ARHGAP21: variants seen among roughly 807,000 people sequenced by gnomAD.
ARHGAP21 encodes the protein Rho GTPase activating protein 21.
Under a neutral mutation model 164.6 loss-of-function variants are expected in ARHGAP21, and 38 were observed. That is an observed-to-expected ratio of 0.23 (90% CI 0.18 to 0.30). The LOEUF (loss-of-function observed/expected upper bound fraction) is 0.30. ARHGAP21 is among the 10% of genes least tolerant of loss of function. The pLI, the probability that ARHGAP21 is intolerant of heterozygous loss-of-function variation, is 1.00. For missense variants in ARHGAP21, 1,822 were observed against 2,370.7 expected (o/e 0.77, Z 4.81); for synonymous variants, 766 against 857.9 (o/e 0.89, Z 1.87).
chr10:24,602,180 G>A, intron 12 of ARHGAP21, 77 bp from the exon 13 acceptor site: 1 of 1,485,546 alleles, frequency 6.7e-7, no homozygotes, highest in Non-Finnish European at 9.0e-7. Flanking sequence ...ACTGCTTTGT[G>A]GAAAACTTTA....
chr10:24,600,570 TATC>T, intron 14 of ARHGAP21, 73 bp downstream of exon 14: 1 of 1,469,976 alleles, frequency 6.8e-7, no homozygotes, highest in Non-Finnish European at 9.1e-7. Flanking sequence ...AAAAATGATA[TATC>T]ATATTCCTTA....
intron 9 of ARHGAP21, among the ~76,000 whole-genome samples, chr10:24,613,529 AT>A (rs1257331075): frequency 1.4e-4 from 22 of 152,172 alleles, no homozygotes; most frequent in African/African-American, 4.8e-4. Flanking sequence ...TCATCTGGAG[AT>A]TTGGTTATCT....
chr10:24,713,630 CT>C (rs1169224197), intron 2 of ARHGAP21, among the ~76,000 whole-genome samples: 1 of 148,826 alleles, frequency 6.7e-6, no homozygotes, highest in Non-Finnish European at 1.5e-5. Context: ...CATCAAGTTT[CT>C]TTTTTTCTTT....
chr10:24,717,669 CG>C (rs1314199306), intron 2 of ARHGAP21, among the ~76,000 whole-genome samples: 2 of 152,082 alleles, frequency 1.3e-5, no homozygotes, highest in African/African-American at 4.8e-5. Flanking sequence ...GACAGAAGCG[CG>C]GACCAAATTA....
intron 2 of ARHGAP21, among the ~76,000 whole-genome samples, chr10:24,681,640 C>CT (rs11439346): frequency 0.012 from 1,708 of 146,410 alleles, 23 homozygotes; most frequent in East Asian, 0.04. Context: ...AGCATTTTGT[C>CT]TTTTTTTTTT....
chr10:24,704,289 CTTTTTTTTTTT>C (rs201080039), intron 2 of ARHGAP21, among the ~76,000 whole-genome samples: 2 of 125,978 alleles, frequency 1.6e-5, no homozygotes, highest in East Asian at 2.2e-4. Flanking sequence ...TTTTTCTTTT[CTTTTTTTTTTT>C]TTTTTTTTGA....
intron 4 of ARHGAP21, among the ~76,000 whole-genome samples, chr10:24,643,267 C>T (rs1837258517): frequency 6.6e-6 from 1 of 152,200 alleles, no homozygotes; most frequent in Non-Finnish European, 1.5e-5. Flanking sequence ...TAGCATTGTA[C>T]ATTTCACATG....
At chr10:24,605,400 G>A (rs2076981549) in intron 11 of ARHGAP21, among the ~76,000 whole-genome samples, 3 of 152,196 alleles carry the variant, frequency 2.0e-5, no homozygotes, top group South Asian at 2.1e-4. Context: ...ACAGTGTGTA[G>A]TTGGTGTAGG....
chr10:24,701,120 A>T (rs1423287097), intron 2 of ARHGAP21, among the ~76,000 whole-genome samples: 1 of 152,152 alleles, frequency 6.6e-6, no homozygotes, highest in Non-Finnish European at 1.5e-5. Flanking sequence ...CAATTTAACA[A>T]AACAGGAGGA....
chr10:24,648,971 C>A, intron 4 of ARHGAP21: 1 of 543,668 alleles, frequency 1.8e-6, no homozygotes, highest in Non-Finnish European at 2.3e-6. Flanking sequence ...TTGAAATTAA[C>A]TTGTTACTAG....
intron 9 of ARHGAP21, among the ~76,000 whole-genome samples, chr10:24,610,439 A>ACTT (rs2077209620): frequency 2.0e-5 from 3 of 152,200 alleles, no homozygotes; most frequent in South Asian, 4.2e-4. Context: ...TTATAATAAA[A>ACTT]AGAACGGTGA....
At chr10:24,722,863 C>T (rs1846067462) in intron 1 of ARHGAP21, 1 of 151,822 alleles carries the variant, frequency 6.6e-6, no homozygotes, top group Admixed American at 6.6e-5. Context: ...CGTGCGCGGC[C>T]GCGGGTGGGA....
intron 2 of ARHGAP21, among the ~76,000 whole-genome samples, chr10:24,693,168 C>T (rs921459561): frequency 3.9e-5 from 6 of 152,096 alleles, no homozygotes; most frequent in East Asian, 1.9e-4. Flanking sequence ...ACGACACAGG[C>T]GTGTTCACTT....
At position 24,648,268 on chromosome 10, in the gene ARHGAP21, C is replaced by A. The variant is rs540561087; in HGVS notation, c.269-13165G>T. 5.9e-5 allele frequency among the ~76,000 whole-genome samples: 9 copies of A among 152,336 alleles called. No homozygotes were observed. In the South Asian group the frequency reaches 1.9e-3, roughly 32 times the overall value. ...AATTCCCTACTTGTTTACCACATAG[C>A]ATGAACAATCACTCAGATTGTCTCC... On this transcript the variant is annotated intron_variant, in intron 4 of 25. Coordinates refer to ENST00000396432, the MANE Select transcript of ARHGAP21 (RefSeq NM_020824.4).
chr10:24,590,381 G>A, intron 24 of ARHGAP21: 5 of 1,535,364 alleles, frequency 3.3e-6, no homozygotes, highest in Non-Finnish European at 3.5e-6. Context: ...CTACAGTGTG[G>A]ACAACAGTCC....
chr10:24,584,825 G>A lies in ARHGAP21; in HGVS notation c.5464C>T (p.His1822Tyr). 6.2e-7 allele frequency: 1 copy of A among 1,613,942 alleles called. No individual in the cohort carries two copies. ...GATTCTCTCTCCCCGCTCTGCTCAT[G>A]CACTTTCCAAAAATTCAAAACGCTG... ...EISVLNFWKVHEQSGERESEL... is the reference protein window; with the variant it reads ...EISVLNFWKVYEQSGERESEL... Residue 1822 changes from histidine to tyrosine, a missense_variant, in exon 26 of 26, where the codon CAT becomes TAT. His to Tyr is a moderately conservative substitution (Grantham distance 83). This residue lies in a region of ARHGAP21 where 165 missense variants were observed against 176.6 expected (regional missense o/e 0.93). Coordinates refer to ENST00000396432, the MANE Select transcript of ARHGAP21 (RefSeq NM_020824.4).
At chr10:24,643,844 T>A (rs983837154) in intron 4 of ARHGAP21, among the ~76,000 whole-genome samples, 2 of 152,192 alleles carry the variant, frequency 1.3e-5, no homozygotes, top group Non-Finnish European at 2.9e-5. Context: ...TCCTGTCCCC[T>A]CAAGGTTGCT....
In ARHGAP21 at chr10:24,620,802, C is replaced by T; in HGVS notation, c.1093G>A (p.Ala365Thr). ...SDGISSSRSQ[A>T]VEAPSVSVNH... The stretch of plus-strand genomic sequence containing the variant: ...ACAGATACAGAGGGAGCCTCCACAG[C>T]TTGAGATCTGCTGCTTGAGATTCCA... The change falls in exon 9 of 26, where the codon GCT becomes ACT. Residue 365 changes from alanine to threonine, a missense_variant. By Grantham distance (58) the Ala-to-Thr change is moderately conservative. This residue lies in a region of ARHGAP21 where 1,090 missense variants were observed against 1,378.9 expected (regional missense o/e 0.79). Transcript: ENST00000396432. 6.2e-7 allele frequency: 1 copy of T among 1,614,158 alleles called. No homozygotes were observed. Among genetic ancestry groups the T allele is most frequent in the Non-Finnish European group, 8.5e-7 (1 of 1,180,014 alleles).
chr10:24,625,299 G>GCAAAAAAAAAAAAAAAAAAAAAAAAAAC (rs768183583), intron 7 of ARHGAP21, among the ~76,000 whole-genome samples: 1 of 53,798 alleles, frequency 1.9e-5, no homozygotes, highest in Non-Finnish European at 3.4e-5. Context: ...ATGAAACAGA[G>GCAAAAAAAAAAAAAAAAAAAAAAAAAAC]AAAAAAAAAA....
Sources: gnomAD v4.1 joint callset for allele counts (sites outside exome capture counted in the v4.1 genomes callset) on GRCh38, gnomAD v4.1.1 for gene constraint, gnomAD v4.1.1 regional missense constraint, MANE v1.5 for transcripts, NCBI Gene and HGNC (gene_info 2026-07-23, HGNC 2026-07-21) for gene names.